TBCD: variants seen among roughly 807,000 people sequenced by gnomAD.
The protein encoded by TBCD is tubulin-specific chaperone D.
In TBCD, 105 loss-of-function variants were observed where a neutral mutation model predicts 169.3. The observed-to-expected ratio is 0.62, with a 90% CI of 0.53 to 0.73. TBCD has a LOEUF of 0.73. Among genes scored for constraint, TBCD ranks in the 30% least tolerant of loss-of-function variants. The pLI is 0.00. For synonymous variants in TBCD, 700 were observed against 643.9 expected (o/e 1.09, Z -1.32); for missense variants, 1,444 against 1,600.1 (o/e 0.90, Z 1.66).
At chr17:82,816,363 C>T (rs1474211416) in intron 13 of TBCD, among the ~76,000 whole-genome samples, 5 of 152,160 alleles carry the variant, frequency 3.3e-5, no homozygotes, top group Admixed American at 2.6e-4. Flanking sequence ...ATCGTGTACA[C>T]GTTTTTGAGT....
chr17:82,830,986 C>T, intron 13 of TBCD: 8 of 1,613,702 alleles, frequency 5.0e-6, no homozygotes, highest in Non-Finnish European at 6.8e-6. Flanking sequence ...CAGAAACATT[C>T]CCTTGGAGGT....
chr17:82,822,542 T>TG (rs930447713), intron 13 of TBCD, among the ~76,000 whole-genome samples: 1 of 152,080 alleles, frequency 6.6e-6, no homozygotes, highest in African/African-American at 2.4e-5. Context: ...GAAAAGCGCC[T>TG]GGGGGCCAGA....
chr17:82,778,617 C>T (rs1346080475), intron 6 of TBCD, among the ~76,000 whole-genome samples: 1 of 148,366 alleles, frequency 6.7e-6, no homozygotes, highest in African/African-American at 2.5e-5. Flanking sequence ...TGCCACGACA[C>T]CCAGCCAATT....
intron 1 of TBCD, among the ~76,000 whole-genome samples, 162 bp downstream of exon 1, chr17:82,752,539 C>T (rs1305700893): frequency 6.6e-6 from 1 of 151,904 alleles, no homozygotes; most frequent in Non-Finnish European, 1.5e-5. Context: ...CCTTCCTAGG[C>T]GGGAGAGGGC....
chr17:82,822,642 AAGGAAGAGCG>A (rs2052509259), intron 13 of TBCD, among the ~76,000 whole-genome samples: 1 of 152,200 alleles, frequency 6.6e-6, no homozygotes, highest in African/African-American at 2.4e-5. Context: ...GTGCAGTGGA[AAGGAAGAGCG>A]AGGGAGAGTG....
chr17:82,906,784 G>T (rs991270153), intron 20 of TBCD, among the ~76,000 whole-genome samples: 2 of 152,276 alleles, frequency 1.3e-5, no homozygotes, highest in African/African-American at 4.8e-5. Context: ...GGAAGCTCTG[G>T]TCGGCCCCGA....
chr17:82,830,389 G>A (rs2145232503), intron 13 of TBCD: 3 of 1,612,160 alleles, frequency 1.9e-6, no homozygotes, highest in South Asian at 1.1e-5. Flanking sequence ...GCTGTAGGCC[G>A]CCAGCTGGCA....
chr17:82,873,857 C>G (rs1288517228), intron 14 of TBCD, among the ~76,000 whole-genome samples: 1 of 152,188 alleles, frequency 6.6e-6, no homozygotes, highest in Non-Finnish European at 1.5e-5. Context: ...ACTCAGTGAT[C>G]TGTTCGCACA....
chr17:82,932,820 C>A, intron 34 of TBCD, 85 bp downstream of exon 34: 1 of 1,369,196 alleles, frequency 7.3e-7, no homozygotes, highest in South Asian at 1.2e-5. Flanking sequence ...ACACAGAGAT[C>A]AGAATTCCAG....
intron 23 of TBCD, among the ~76,000 whole-genome samples, chr17:82,912,552 C>T (rs995662171): frequency 6.6e-6 from 1 of 152,272 alleles, no homozygotes; most frequent in Non-Finnish European, 1.5e-5. Flanking sequence ...CCACGCCACC[C>T]TCAGCCCCTC....
At position 82,932,663 on chromosome 17, in the gene TBCD, C is replaced by A; in HGVS notation, c.3119C>A (p.Ser1040Tyr). 6.2e-7 allele frequency: 1 copy of A among 1,613,186 alleles called. No homozygotes were observed. The highest frequency in any genetic ancestry group is 8.5e-7 in the Non-Finnish European group (1 of 1,179,710). Residue 1040 changes from serine (S) to tyrosine (Y), a missense_variant, in exon 34 of 39, where the codon TCC (serine) becomes TAC (tyrosine). Ser to Tyr is a moderately radical substitution (Grantham distance 144). Transcript: ENST00000355528. ...ACAGCTCCTTCTCCCCTCAGGGTGTCCGTGCCGCTGCTGAAGACGCTGGAC... is the reference window on the plus strand; with the variant it reads ...ACAGCTCCTTCTCCCCTCAGGGTGTACGTGCCGCTGCTGAAGACGCTGGAC... ...FEDNLLNERVSVPLLKTLDHV... is the reference protein window; with the variant it reads ...FEDNLLNERVYVPLLKTLDHV...
chr17:82,815,055 A>G, intron 13 of TBCD, 121 bp downstream of exon 13: 1 of 1,479,448 alleles, frequency 6.8e-7, no homozygotes, highest in South Asian at 1.3e-5. Context: ...CAGCTGCGTC[A>G]CCAGGCTGTC....
At chr17:82,793,142 A>G (rs1004082666) in intron 7 of TBCD, among the ~76,000 whole-genome samples, 2 of 152,202 alleles carry the variant, frequency 1.3e-5, no homozygotes, top group African/African-American at 4.8e-5. Flanking sequence ...CAGAAACAGT[A>G]TATTTTTTCA....
intron 13 of TBCD, among the ~76,000 whole-genome samples, chr17:82,821,947 A>G (rs2052447474): frequency 6.6e-6 from 1 of 152,268 alleles, no homozygotes; most frequent in Non-Finnish European, 1.5e-5. Context: ...TATAAATGTT[A>G]TAAATTTTGA....
At position 82,920,850 on chromosome 17, in the gene TBCD, C is replaced by A. The variant is rs1243145350; in HGVS notation, c.2101+232C>A. 2.0e-5 allele frequency among the ~76,000 whole-genome samples: 3 copies of A among 152,228 alleles called. No homozygotes were observed. Among genetic ancestry groups the A allele is most frequent in the African/African-American group, 7.2e-5 (3 of 41,460 alleles). ...CTTCCCCGCCGTCACCTCAGTACCCCCACCTCCTCGCTTCCATGCCCAGGG... is the reference window on the plus strand; with the variant it reads ...CTTCCCCGCCGTCACCTCAGTACCCACACCTCCTCGCTTCCATGCCCAGGG... On this transcript the variant is annotated intron_variant, in intron 24 of 38. Coordinates refer to ENST00000355528, the MANE Select transcript of TBCD (RefSeq NM_005993.5). The surrounding 1 kb of genome is among the most constrained non-coding windows in gnomAD (Gnocchi z 4.1).
intron 4 of TBCD, among the ~76,000 whole-genome samples, chr17:82,767,999 C>G (rs533886307): frequency 6.6e-6 from 1 of 151,334 alleles, no homozygotes; most frequent in African/African-American, 2.4e-5. Flanking sequence ...CCGCTCGTCT[C>G]GGCCTCCCAA....
chr17:82,937,398 A>G (rs745380114), intron 35 of TBCD, 38 bp downstream of exon 35: 3 of 1,592,492 alleles, frequency 1.9e-6, no homozygotes, highest in Admixed American at 1.7e-5. Context: ...ACGGAATGGC[A>G]GGGCGCAGCC....
chr17:82,786,215 C>G (rs975998269), intron 7 of TBCD, among the ~76,000 whole-genome samples: 2 of 152,054 alleles, frequency 1.3e-5, no homozygotes, highest in African/African-American at 4.8e-5. Flanking sequence ...GAGGGCTTCT[C>G]TGCCCTCTAG....
intron 13 of TBCD, chr17:82,830,218 T>C (rs1245924205): frequency 2.5e-6 from 4 of 1,614,148 alleles, no homozygotes; most frequent in Non-Finnish European, 3.4e-6. Flanking sequence ...AGCTCCTTGC[T>C]GGGATTTTCC....
Sources: gnomAD v4.1 joint callset for allele counts (sites outside exome capture counted in the v4.1 genomes callset) on GRCh38, gnomAD v4.1.1 for gene constraint, Gnocchi (gnomAD v3.1) non-coding constraint, MANE v1.5 for transcripts, NCBI Gene and HGNC (gene_info 2026-07-23, HGNC 2026-07-21) for gene names.